Variants in PDE4D observed in about 807,000 individuals in gnomAD.
PDE4D encodes 3',5'-cyclic-AMP phosphodiesterase 4D.
PDE4D carries 24 observed loss-of-function variants against 87.4 expected under a neutral mutation model. The observed-to-expected ratio is 0.27, with a 90% CI of 0.20 to 0.39. The LOEUF (loss-of-function observed/expected upper bound fraction) is 0.39. Ranked by LOEUF, PDE4D falls within the 10% of genes least tolerant of loss-of-function variation. PDE4D has a pLI of 1.00. For missense variants in PDE4D, 714 were observed against 1,041.0 expected (o/e 0.69, Z 4.32); for synonymous variants, 384 against 383.2 (o/e 1.00, Z -0.02).
intron 6 of PDE4D, among the ~76,000 whole-genome samples, chr5:59,007,126 T>C (rs567259821): frequency 1.3e-5 from 2 of 152,220 alleles, no homozygotes; most frequent in Non-Finnish European, 2.9e-5. Context: ...TTAAGAAATA[T>C]TGTTTAAAAT....
At chr5:60,393,344 A>C (rs1289090701) in intron 1 of PDE4D, among the ~76,000 whole-genome samples, 1 of 152,206 alleles carries the variant, frequency 6.6e-6, no homozygotes, top group Non-Finnish European at 1.5e-5. Flanking sequence ...AGAGTCTTTA[A>C]GCATCGCACA....
intron 1 of PDE4D, among the ~76,000 whole-genome samples, chr5:59,840,724 C>G (rs55945657): frequency 0.01 from 1,543 of 152,002 alleles, 31 homozygotes; most frequent in African/African-American, 0.035. Context: ...ACTGTTCAGC[C>G]CTTGTTAGGG....
chr5:59,516,304 G>C (rs1811142793), intron 1 of PDE4D, among the ~76,000 whole-genome samples: 1 of 152,066 alleles, frequency 6.6e-6, no homozygotes, highest in Admixed American at 6.5e-5. Context: ...ACTTTCTCTG[G>C]ATTTTTTTTC....
intron 1 of PDE4D, among the ~76,000 whole-genome samples, chr5:60,340,987 A>G (rs1190835156): frequency 6.6e-6 from 1 of 152,208 alleles, no homozygotes; most frequent in Non-Finnish European, 1.5e-5. Flanking sequence ...GAGCTGTTTT[A>G]TTATACAACA....
intron 2 of PDE4D, among the ~76,000 whole-genome samples, chr5:59,202,764 G>A (rs1747798899): frequency 6.6e-6 from 1 of 152,078 alleles, no homozygotes; most frequent in Admixed American, 6.6e-5. Context: ...CACATAAGAT[G>A]TGAATTGCTC....
intron 5 of PDE4D, among the ~76,000 whole-genome samples, chr5:59,101,481 T>C (rs1404243966): frequency 6.6e-6 from 1 of 152,164 alleles, no homozygotes; most frequent in South Asian, 2.1e-4. Flanking sequence ...CACTTAATGA[T>C]TTTTCCAAAA....
chr5:59,058,627 C>T (rs1277474107), intron 5 of PDE4D, among the ~76,000 whole-genome samples: 1 of 152,136 alleles, frequency 6.6e-6, no homozygotes, highest in African/African-American at 2.4e-5. Context: ...GTTTAGTCCC[C>T]CAACTCCCCT....
chr5:60,026,880 T>C (rs1766684693), intron 2 of PDE4D, among the ~76,000 whole-genome samples: 1 of 152,186 alleles, frequency 6.6e-6, no homozygotes, highest in Admixed American at 6.5e-5. Context: ...TTCTGTAGAC[T>C]TCTTTTTTCT....
intron 1 of PDE4D, among the ~76,000 whole-genome samples, chr5:59,723,789 A>C (rs16890137): frequency 0.081 from 12,356 of 152,230 alleles, 1,566 homozygotes; most frequent in African/African-American, 0.27. Flanking sequence ...TGCATTTGAC[A>C]TGACAGCTGG....
At chr5:59,070,689 T>C (rs1364099155) in intron 5 of PDE4D, among the ~76,000 whole-genome samples, 1 of 152,216 alleles carries the variant, frequency 6.6e-6, no homozygotes, top group Non-Finnish European at 1.5e-5. Flanking sequence ...GTTTTCCTTC[T>C]TGAAAATTCT....
intron 1 of PDE4D, among the ~76,000 whole-genome samples, chr5:59,871,104 G>A (rs1225517825): frequency 3.9e-5 from 6 of 152,118 alleles, no homozygotes; most frequent in Non-Finnish European, 7.4e-5. Context: ...CTTTTAACCA[G>A]TGGAATATGG....
chr5:59,409,341 G>A (rs1005199901), intron 1 of PDE4D, among the ~76,000 whole-genome samples: 5 of 152,114 alleles, frequency 3.3e-5, no homozygotes. Context: ...GGAGACTGTT[G>A]AGAAGAGATG....
At chr5:59,250,539 G>C (rs78771051) in intron 1 of PDE4D, among the ~76,000 whole-genome samples, 3,678 of 151,158 alleles carry the variant, frequency 0.024, 166 homozygotes, top group African/African-American at 0.085. Context: ...AATATGTAAG[G>C]GTCATTGTGC....
intron 1 of PDE4D, among the ~76,000 whole-genome samples, chr5:59,398,468 A>G (rs1356476272): frequency 1.4e-5 from 2 of 138,796 alleles, no homozygotes; most frequent in Non-Finnish European, 3.1e-5. Flanking sequence ...AAACAGAGCC[A>G]AAGACAAAAA....
intron 2 of PDE4D, among the ~76,000 whole-genome samples, chr5:60,038,960 G>T (rs1219267411): frequency 8.7e-4 from 130 of 149,610 alleles, no homozygotes; most frequent in East Asian, 2.9e-3. Context: ...AGGATGTGGA[G>T]AAATAGGAAC....
At chr5:60,441,843 T>TTG (rs1745245915) in intron 1 of PDE4D, among the ~76,000 whole-genome samples, 1 of 151,680 alleles carries the variant, frequency 6.6e-6, no homozygotes, top group Non-Finnish European at 1.5e-5. Context: ...AAAAAAAAGC[T>TTG]CATCATCACT....
rs560116615 is a variant in PDE4D at position 60,372,913 on chromosome 5, C to G, written c.-90+115029G>C. On this transcript the variant is annotated intron_variant, in intron 1 of 16. Coordinates refer to the PDE4D transcript ENST00000502484. ...CTCCTTTTATCTCTCCATTATTAATCTCCTCCTTTGCCTTAGAGGCAGTGA... is the reference window on the plus strand; with the variant it reads ...CTCCTTTTATCTCTCCATTATTAATGTCCTCCTTTGCCTTAGAGGCAGTGA... Among the ~76,000 whole-genome samples the G allele has an allele frequency of 4.6e-5, 7 of 152,350 alleles. No individual in the cohort carries two copies. The South Asian group carries it at 1.4e-3, about 32-fold the overall frequency.
At chr5:59,282,306 C>A (rs1765956918) in intron 1 of PDE4D, among the ~76,000 whole-genome samples, 1 of 151,970 alleles carries the variant, frequency 6.6e-6, no homozygotes, top group South Asian at 2.1e-4. Context: ...CCAAATGAAG[C>A]CCTAGTTTCT....
Position 60,503,366 on chromosome 5 carries a change from G to C in PDE4D, n.70+18685C>G, listed in dbSNP as rs571603381. ...ATTGTCAATATTTATTTGATACTCT[G>C]CTATGTGTGCTGTTTAGCCAACAAC... On this transcript the variant is annotated intron_variant and non_coding_transcript_variant, in intron 1 of 2. Coordinates refer to the PDE4D transcript ENST00000506510. Among the ~76,000 whole-genome samples the C allele has an allele frequency of 2.6e-5, 4 of 152,214 alleles. No individual in the cohort carries two copies. In the East Asian group the frequency reaches 7.7e-4, roughly 29 times the overall value.
Sources: gnomAD v4.1 joint callset for allele counts (sites outside exome capture counted in the v4.1 genomes callset) on GRCh38, gnomAD v4.1.1 for gene constraint, MANE v1.5 for transcripts, NCBI Gene and HGNC (gene_info 2026-07-23, HGNC 2026-07-21) for gene names.